The following KDM8 variants were observed in gnomAD, a reference collection of about 807,000 sequenced individuals.
KDM8 encodes the protein lysine demethylase 8, also known as bifunctional peptidase and arginyl-hydroxylase JMJD5.
In KDM8, 35 loss-of-function variants were observed where a neutral mutation model predicts 46.9. The ratio of observed to expected loss-of-function variants is 0.75; its 90% CI spans 0.57 to 0.99. The LOEUF (loss-of-function observed/expected upper bound fraction) is 0.99. Ranked by LOEUF, KDM8 falls within the 50% of genes least tolerant of loss-of-function variation. KDM8 has a pLI of 0.00. For missense variants in KDM8, 475 were observed against 537.0 expected (o/e 0.88, Z 1.14); for synonymous variants, 232 against 227.7 (o/e 1.02, Z -0.17).
intron 1 of KDM8, chr16:27,204,059 A>C (rs908382): frequency 0.96 from 1,483,259 of 1,540,880 alleles, 715,245 homozygotes; most frequent in East Asian, 1. Flanking sequence ...GCCGCAAGGC[A>C]GGCTGGAAAC....
chr16:27,208,274 A>C lies in KDM8; in HGVS notation c.-31-1819A>C, dbSNP rs113425112. 3.4e-3 allele frequency among the ~76,000 whole-genome samples: 501 copies of C among 148,918 alleles called. 3 individuals carry two copies. The highest frequency in any genetic ancestry group is 0.012 in the African/African-American group (476 of 40,584). ...GGCCACCCTGGGAGGCCAGGTGACAAAGCAGACACGGGGCCACTGGGGGAA... is the reference window on the plus strand; with the variant it reads ...GGCCACCCTGGGAGGCCAGGTGACACAGCAGACACGGGGCCACTGGGGGAA... On this transcript the variant is annotated intron_variant, in intron 1 of 7. Coordinates refer to ENST00000286096, the MANE Select transcript of KDM8 (RefSeq NM_024773.3).
chr16:27,206,576 A>G (rs1016476796), intron 1 of KDM8, among the ~76,000 whole-genome samples: 22 of 152,320 alleles, frequency 1.4e-4, no homozygotes, highest in Admixed American at 8.5e-4. Context: ...TGGCCTTAAT[A>G]TAAGACTTTA....
At chr16:27,204,273 G>A in intron 1 of KDM8, 1 of 1,403,858 alleles carries the variant, frequency 7.1e-7, no homozygotes, top group Non-Finnish European at 9.3e-7. Context: ...GCGTTTCCCG[G>A]CAACGGTAGG....
intron 6 of KDM8, among the ~76,000 whole-genome samples, chr16:27,219,901 T>A (rs1459731631): frequency 6.6e-6 from 1 of 152,238 alleles, no homozygotes; most frequent in Non-Finnish European, 1.5e-5. Flanking sequence ...AAGTTATTTT[T>A]CAAAATGTAT....
chr16:27,209,404 T>G (rs992062326), intron 1 of KDM8, among the ~76,000 whole-genome samples: 27 of 152,248 alleles, frequency 1.8e-4, no homozygotes, highest in African/African-American at 6.5e-4. Flanking sequence ...TTTTTGTATT[T>G]TTTGTAGAGA....
intron 1 of KDM8, chr16:27,203,992 T>A (rs983918639): frequency 1.0e-6 from 1 of 991,552 alleles, no homozygotes; most frequent in African/African-American, 1.7e-5. Flanking sequence ...CTGCGCGGGT[T>A]TTATACTCTG....
chr16:27,210,001 A>G lies in KDM8; in HGVS notation c.-31-92A>G, dbSNP rs555541631. ...CAACAGAGAAGACTGCTGTTGAAAA[A>G]TCCTCGCAGATGAGATGCAGGAAGC... On this transcript the variant is annotated intron_variant, in intron 1 of 7. Transcript: ENST00000286096. 14 of 1,358,282 alleles carry G rather than the reference A, an allele frequency of 1.0e-5. No homozygotes were observed. In the East Asian group the frequency reaches 2.1e-4, roughly 20 times the overall value. 84.1% of individuals were successfully genotyped at this position (1,358,282 alleles called of 1,614,324 possible).
At chr16:27,213,218 C>CGTGTGTGTGTGTGTGTGTGTGTGT (rs3063593) in intron 2 of KDM8, 1 of 139,494 alleles carries the variant, frequency 7.2e-6, no homozygotes, top group African/African-American at 2.7e-5. Flanking sequence ...AGATATTTTG[C>CGTGTGTGTGTGTGTGTGTGTGTGT]GTGTGTGTGT....
At chr16:27,210,656 C>A in intron 2 of KDM8, 35 bp downstream of exon 2, 1 of 1,490,112 alleles carries the variant, frequency 6.7e-7, no homozygotes, top group South Asian at 1.4e-5. Context: ...GCACACTAGC[C>A]ATCCAGCAAC....
rs147629899 is a variant in KDM8 at position 27,220,671 on chromosome 16, T to C, written c.1192T>C (p.Tyr398His). 78 of 1,613,984 alleles carry C rather than the reference T, an allele frequency of 4.8e-5. No homozygotes were observed. The Middle Eastern group carries it at 6.6e-4, about 14-fold the overall frequency. Residue 398 changes from tyrosine (Y) to histidine (H), a missense_variant, in exon 8 of 8, where the codon TAC becomes CAC. Transcript: ENST00000286096. ...PGEILFIPVK[Y>H]WHYVRALDLS... ...AGAGATCCTGTTCATCCCGGTGAAA[T>C]ACTGGCATTACGTGCGGGCTCTGGA...
At chr16:27,204,187 C>A (rs1386254459) in intron 1 of KDM8, 1 of 1,481,556 alleles carries the variant, frequency 6.7e-7, no homozygotes, top group Admixed American at 2.6e-5. Flanking sequence ...TACGGGGGAC[C>A]CTCTGGGGCC....
intron 1 of KDM8, among the ~76,000 whole-genome samples, chr16:27,209,676 G>A (rs186985405): frequency 6.6e-6 from 1 of 152,368 alleles, no homozygotes; most frequent in East Asian, 1.9e-4. Flanking sequence ...GTGTAAGCAG[G>A]TGTTTTCATA....
chr16:27,220,330 G>A, intron 6 of KDM8, 63 bp from the exon 7 acceptor site: 1 of 1,418,600 alleles, frequency 7.0e-7, no homozygotes, highest in Non-Finnish European at 1.0e-6. Flanking sequence ...ACAGAGGCCA[G>A]AGTGGGCTTG....
intron 1 of KDM8, among the ~76,000 whole-genome samples, chr16:27,204,843 A>G (rs2083411783): frequency 6.6e-6 from 1 of 152,140 alleles, no homozygotes; most frequent in African/African-American, 2.4e-5. Flanking sequence ...CCTGACCAAC[A>G]TGGCGCAACC....
chr16:27,220,749 G>C lies in KDM8; in HGVS notation c.*19G>C. The C allele has an allele frequency of 6.2e-7, 1 of 1,613,918 alleles. No individual in the cohort carries two copies. The highest frequency in any genetic ancestry group is 1.1e-5 in the South Asian group (1 of 91,078). On this transcript the variant is annotated 3_prime_UTR_variant, in exon 8 of 8. Coordinates refer to ENST00000286096, the MANE Select transcript of KDM8 (RefSeq NM_024773.3). ...GTCGTAGCCAGGATAGGAGCTGAAA[G>C]GGCCTGACATGCAGACAGCATTCAT... is the stretch of plus-strand genomic sequence containing the variant.
chr16:27,206,456 G>A (rs1167065632), intron 1 of KDM8, among the ~76,000 whole-genome samples: 1 of 152,184 alleles, frequency 6.6e-6, no homozygotes, highest in African/African-American at 2.4e-5. Flanking sequence ...ATTTTTATTA[G>A]AGATGGGTTT....
At position 27,210,509 on chromosome 16, in the gene KDM8, TG is replaced by T; in HGVS notation, c.391del (p.Ala131GlnfsTer44). ...CGGGTCTGTGACATGGGCCTGCTGA[TG>T]GGGGCAGCCATCCTGGGGGACATCC... The part of the protein sequence containing the change: ...ALRVCDMGLL[M>X]GAAILGDILL... On this transcript the variant is annotated frameshift_variant, in exon 2 of 8. Coordinates refer to ENST00000286096, the MANE Select transcript of KDM8 (RefSeq NM_024773.3). LOFTEE classifies it high-confidence loss of function. 6.4e-7 allele frequency: 1 copy of T among 1,562,490 alleles called. No homozygotes were observed. Among genetic ancestry groups the T allele is most frequent in the South Asian group, 1.2e-5 (1 of 83,202 alleles).
At chr16:27,218,860 C>T (rs746203179) in intron 5 of KDM8, 101 bp from the exon 6 acceptor site, 83 of 1,312,372 alleles carry the variant, frequency 6.3e-5, no homozygotes, top group Non-Finnish European at 7.8e-5. Context: ...CACACACACA[C>T]ATAATGGATA....
Position 27,215,019 on chromosome 16 carries a change from G to C in KDM8, c.798+11G>C, listed in dbSNP as rs745635615. 6.2e-7 allele frequency: 1 copy of C among 1,613,940 alleles called. No individual in the cohort carries two copies. Among genetic ancestry groups the C allele is most frequent in the South Asian group, 1.1e-5 (1 of 91,070 alleles). On this transcript the variant is annotated intron_variant, in intron 4 of 7. Coordinates refer to ENST00000286096, the MANE Select transcript of KDM8 (RefSeq NM_024773.3). The stretch of plus-strand genomic sequence containing the variant: ...TACATCGTGAATGAGGTACATCATG[G>C]GGACTGCTTTCCCCTAGTACTTGCA...
Sources: gnomAD v4.1 joint callset for allele counts (sites outside exome capture counted in the v4.1 genomes callset) on GRCh38, gnomAD v4.1.1 for gene constraint, MANE v1.5 for transcripts, NCBI Gene and HGNC (gene_info 2026-07-23, HGNC 2026-07-21) for gene names.